The following HNF1B variants were observed in gnomAD, a reference collection of about 807,000 sequenced individuals.
HNF1B encodes the protein hepatocyte nuclear factor 1-beta.
In HNF1B, 8 loss-of-function variants were observed where a neutral mutation model predicts 61.7. That is an observed-to-expected ratio of 0.13 (90% confidence interval 0.08 to 0.23). HNF1B has a LOEUF of 0.23. Among genes scored for constraint, HNF1B ranks in the 10% least tolerant of loss-of-function variants. The pLI, the probability that HNF1B is intolerant of heterozygous loss-of-function variation, is 1.00. For missense variants in HNF1B, 562 were observed against 714.5 expected, an observed-to-expected ratio of 0.79 and a Z score of 2.43; for synonymous variants, 314 against 287.7, an observed-to-expected ratio of 1.09 and a Z score of -0.93.
chr17:37,711,467 C>T lies in HNF1B; in HGVS notation c.1046-804G>A, dbSNP rs144221340. 8.3e-3 allele frequency among the ~76,000 whole-genome samples: 1,258 copies of T among 152,272 alleles called. 8 individuals carry two copies. The highest frequency in any genetic ancestry group is 0.012 in the Non-Finnish European group (802 of 68,018). ...GTAGAACCAAACATGTTTACAACCTCGCTGCTCTGACCCTCCCTCTTGCTC... is the reference window on the plus strand; with the variant it reads ...GTAGAACCAAACATGTTTACAACCTTGCTGCTCTGACCCTCCCTCTTGCTC... On this transcript the variant is annotated intron_variant, in intron 4 of 8. Coordinates refer to ENST00000617811, the MANE Select transcript of HNF1B (RefSeq NM_000458.4).
intron 4 of HNF1B, among the ~76,000 whole-genome samples, chr17:37,711,893 G>C (rs2032946724): frequency 6.6e-6 from 1 of 152,058 alleles, no homozygotes; most frequent in Non-Finnish European, 1.5e-5. Context: ...GCCCTAGCTA[G>C]AGCCCCACCT....
chr17:37,742,785 C>T (rs2034035336), intron 1 of HNF1B, among the ~76,000 whole-genome samples: 1 of 151,386 alleles, frequency 6.6e-6, no homozygotes, highest in African/African-American at 2.4e-5. Context: ...CCGGGGGCTC[C>T]GCGGGCGGCT....
chr17:37,714,318 G>C (rs1568648822), intron 4 of HNF1B, among the ~76,000 whole-genome samples: 2 of 152,208 alleles, frequency 1.3e-5, no homozygotes, highest in African/African-American at 4.8e-5. Flanking sequence ...CCATGTGCCA[G>C]GCACTGTGTT....
intron 6 of HNF1B, among the ~76,000 whole-genome samples, chr17:37,701,939 C>T (rs1235187334): frequency 2.0e-5 from 3 of 152,190 alleles, no homozygotes; most frequent in African/African-American, 7.2e-5. Context: ...GCCTCTGTAA[C>T]TTGGAACTGT....
At chr17:37,742,432 C>T (rs1470106427) in intron 1 of HNF1B, among the ~76,000 whole-genome samples, 2 of 152,338 alleles carry the variant, frequency 1.3e-5, no homozygotes, top group South Asian at 2.1e-4. Flanking sequence ...TGCTTTTCGT[C>T]TTAAGGGAAC....
At chr17:37,716,193 G>C (rs1238990396) in intron 4 of HNF1B, among the ~76,000 whole-genome samples, 1 of 152,080 alleles carries the variant, frequency 6.6e-6, no homozygotes, top group African/African-American at 2.4e-5. Flanking sequence ...CAAGTGTTGT[G>C]CTTTTTAAAA....
At chr17:37,728,648 T>G (rs894514853) in intron 4 of HNF1B, 1 of 151,964 alleles carries the variant, frequency 6.6e-6, no homozygotes, top group Admixed American at 6.6e-5. Flanking sequence ...ACAGTTACGT[T>G]TCTGGCTTGG....
intron 8 of HNF1B, among the ~76,000 whole-genome samples, chr17:37,695,551 C>G (rs1002982568): frequency 6.6e-6 from 1 of 152,222 alleles, no homozygotes; most frequent in African/African-American, 2.4e-5. Flanking sequence ...CTCTAGACCT[C>G]AGAATGGTAA....
In HNF1B at chr17:37,699,205, A is replaced by G. The variant is rs749600237; in HGVS notation, c.1535-11T>C. On this transcript the variant is annotated splice_polypyrimidine_tract_variant and intron_variant, in intron 7 of 8. Coordinates refer to ENST00000617811, the MANE Select transcript of HNF1B (RefSeq NM_000458.4). Reference sequence around the variant, plus strand: ...GCTTGTGTGCGTACACTGGAGAGACAGAGTGAAGACAGAATCAAGGTGCAT... The same window carrying G: ...GCTTGTGTGCGTACACTGGAGAGACGGAGTGAAGACAGAATCAAGGTGCAT... 5 of 1,601,910 alleles carry G rather than the reference A, an allele frequency of 3.1e-6. No individual in the cohort carries two copies. The highest frequency in any genetic ancestry group is 3.4e-6 in the Non-Finnish European group (4 of 1,168,848).
intron 6 of HNF1B, among the ~76,000 whole-genome samples, 157 bp downstream of exon 6, chr17:37,704,760 G>T (rs2032684733): frequency 6.6e-6 from 1 of 152,146 alleles, no homozygotes; most frequent in Non-Finnish European, 1.5e-5. Context: ...CCAAATATTG[G>T]ATTTAAGGAG....
intron 8 of HNF1B, among the ~76,000 whole-genome samples, chr17:37,691,381 G>A (rs1242593110): frequency 6.6e-6 from 1 of 152,154 alleles, no homozygotes; most frequent in Non-Finnish European, 1.5e-5. Context: ...GCCTGGAGAG[G>A]TGATAAGTAA....
chr17:37,743,205 C>G (rs1356489231), intron 1 of HNF1B, among the ~76,000 whole-genome samples: 1 of 152,068 alleles, frequency 6.6e-6, no homozygotes, highest in Admixed American at 6.5e-5. Context: ...GCGGTGGGAG[C>G]CTGGTTCATC....
chr17:37,700,929 G>A, intron 7 of HNF1B, 54 bp downstream of exon 7: 1 of 1,493,978 alleles, frequency 6.7e-7, no homozygotes, highest in Non-Finnish European at 9.1e-7. Flanking sequence ...AGGGAAAGTG[G>A]TTGGCCACTG....
intron 4 of HNF1B, among the ~76,000 whole-genome samples, chr17:37,722,447 C>T (rs540557060): frequency 1.3e-5 from 2 of 152,300 alleles, no homozygotes; most frequent in African/African-American, 4.8e-5. Context: ...AGAACCACAA[C>T]CCAAGCCAAG....
rs1318057088 is a variant in HNF1B, at chr17:37,731,462, T to G, written c.1045+133A>C. 1.1e-5 allele frequency: 8 copies of G among 761,632 alleles called. No homozygotes were observed. In the Admixed American group the frequency reaches 1.6e-4, roughly 15 times the overall value. The allele number at this position is 761,632 out of a possible 1,614,324, so 47.2% of individuals were successfully genotyped here. A position where few individuals can be genotyped will look rare whatever the true frequency, so the allele number is the denominator to read the frequency against. On this transcript the variant is annotated intron_variant, in intron 4 of 8. Coordinates refer to ENST00000617811, the MANE Select transcript of HNF1B (RefSeq NM_000458.4). ...ACATTATTTCCAGGGGAGTATATTC[T>G]GGCAATGAGAGAGCGGCCCTAGGAT...
At position 37,699,157 on chromosome 17, in the gene HNF1B, G is replaced by A. The variant is rs780724458; in HGVS notation, c.1572C>T (p.His524=). The A allele has an allele frequency of 2.0e-5, 32 of 1,614,032 alleles. No individual in the cohort carries two copies. In the South Asian group the frequency reaches 3.3e-4, roughly 17 times the overall value. Residue 524 remains histidine (H), a synonymous_variant, in exon 8 of 9, where the codon CAC becomes CAT. Coordinates refer to ENST00000617811, the MANE Select transcript of HNF1B (RefSeq NM_000458.4). ...AHKQEPPQYS[H]TSRFPSAMVV... is the part of the protein sequence containing the mutation. ...CCATTGCAGATGGAAACCGGGAGGTGTGGGAATACTGGGGGGGTTCCTGCT... is the reference window on the plus strand; with the variant it reads ...CCATTGCAGATGGAAACCGGGAGGTATGGGAATACTGGGGGGGTTCCTGCT...
chr17:37,744,919 T>TGTGGGGGG lies in HNF1B; in HGVS notation c.-36_-35insCCCCCCAC. ...ACGGAAAAAGAAGGGGGTGAGGGGG[T>TGTGGGGGG]GGGTGGGTGCGAGAGAGGAGGGTGG... On this transcript the variant is annotated 5_prime_UTR_variant, in exon 1 of 9. Coordinates refer to ENST00000617811, the MANE Select transcript of HNF1B (RefSeq NM_000458.4). 2.6e-6 allele frequency: 1 copy of TGTGGGGGG among 378,268 alleles called. No individual in the cohort carries two copies. The highest frequency in any genetic ancestry group is 5.1e-6 in the Non-Finnish European group (1 of 197,310). The allele number at this position is 378,268 out of a possible 1,614,324, so 23.4% of individuals were successfully genotyped here. A position where few individuals can be genotyped will look rare whatever the true frequency, so the allele number is the denominator to read the frequency against.
intron 4 of HNF1B, among the ~76,000 whole-genome samples, chr17:37,718,504 T>C (rs1985643): frequency 0.12 from 17,498 of 147,708 alleles, 1,290 homozygotes; most frequent in Non-Finnish European, 0.17. Flanking sequence ...AGTGGAAAAC[T>C]GAGGTTCAGA....
At chr17:37,713,159 G>GA (rs2032992177) in intron 4 of HNF1B, among the ~76,000 whole-genome samples, 1 of 152,068 alleles carries the variant, frequency 6.6e-6, no homozygotes, top group South Asian at 2.1e-4. Context: ...CTCTGCTCCT[G>GA]AGAGAGTGTT....
Sources: gnomAD v4.1 joint callset for allele counts (sites outside exome capture counted in the v4.1 genomes callset) on GRCh38, gnomAD v4.1.1 for gene constraint, MANE v1.5 for transcripts, NCBI Gene and HGNC (gene_info 2026-07-23, HGNC 2026-07-21) for gene names.